Variants in FRAS1 observed in about 807,000 individuals in gnomAD.
FRAS1 encodes Fraser extracellular matrix complex subunit 1.
Under a neutral mutation model 435.2 loss-of-function variants are expected in FRAS1, and 290 were observed. The observed-to-expected ratio is 0.67, with a 90% CI of 0.61 to 0.73. FRAS1 has a LOEUF of 0.73. FRAS1 is among the 30% of genes least tolerant of loss of function. The pLI is 0.00. For missense variants in FRAS1, 4,860 were observed against 5,001.5 expected (o/e 0.97, Z 0.85); for synonymous variants, 1,800 against 1,851.0 (o/e 0.97, Z 0.71).
chr4:78,145,000 A>G (rs1720358592), intron 2 of FRAS1, among the ~76,000 whole-genome samples: 1 of 152,188 alleles, frequency 6.6e-6, no homozygotes, highest in South Asian at 2.1e-4. Flanking sequence ...AAATTGCTGG[A>G]AGGAAACAAT....
chr4:78,486,830 AT>A (rs67268640), intron 58 of FRAS1, among the ~76,000 whole-genome samples: 4,896 of 123,452 alleles, frequency 0.04, 93 homozygotes, highest in African/African-American at 0.067. Flanking sequence ...CTCTCTCTCT[AT>A]TTTTTTTTTT....
At chr4:78,213,049 T>A (rs1320087) in intron 2 of FRAS1, among the ~76,000 whole-genome samples, 4 of 152,004 alleles carry the variant, frequency 2.6e-5, no homozygotes, top group African/African-American at 9.7e-5. Context: ...GGATGCAGGC[T>A]GATCCAGGGA....
chr4:78,480,544 T>C (rs1482384145), intron 56 of FRAS1, among the ~76,000 whole-genome samples: 1 of 152,100 alleles, frequency 6.6e-6, no homozygotes, highest in Non-Finnish European at 1.5e-5. Flanking sequence ...TGTGATATAT[T>C]GAGGATGGAA....
chr4:78,521,636 A>T lies in FRAS1; in HGVS notation c.10648+6A>T. ...GACCCATGCCAAATTCAGAGGTAAT[A>T]TCAATGCCGTTTTTTTTTTCCAACT... is the stretch of plus-strand genomic sequence containing the variant. On this transcript the variant is annotated splice_donor_region_variant and intron_variant, in intron 68 of 73. Coordinates refer to ENST00000512123, the MANE Select transcript of FRAS1 (RefSeq NM_025074.7). 6.4e-7 allele frequency: 1 copy of T among 1,555,910 alleles called. No individual in the cohort carries two copies. The highest frequency in any genetic ancestry group is 8.7e-7 in the Non-Finnish European group (1 of 1,146,512).
chr4:78,478,845 G>A (rs527291706), intron 55 of FRAS1, among the ~76,000 whole-genome samples: 1 of 152,310 alleles, frequency 6.6e-6, no homozygotes, highest in Admixed American at 6.5e-5. Context: ...ACCAAGCCAG[G>A]CCCAGAACAG....
intron 2 of FRAS1, among the ~76,000 whole-genome samples, chr4:78,130,232 T>G (rs1179507746): frequency 6.6e-6 from 1 of 152,198 alleles, no homozygotes; most frequent in Admixed American, 6.5e-5. Flanking sequence ...TAACGGTGAT[T>G]TTTTAAAAAT....
At chr4:78,242,619 A>G (rs1345698235) in intron 3 of FRAS1, among the ~76,000 whole-genome samples, 1 of 152,056 alleles carries the variant, frequency 6.6e-6, no homozygotes, top group African/African-American at 2.4e-5. Context: ...ATTTTTTAGG[A>G]GAGACGGGGT....
chr4:78,129,465 A>C (rs1412122671), intron 2 of FRAS1, among the ~76,000 whole-genome samples: 1 of 152,192 alleles, frequency 6.6e-6, no homozygotes, highest in Non-Finnish European at 1.5e-5. Flanking sequence ...GCAATACAGA[A>C]ACTATTTGAG....
intron 2 of FRAS1, among the ~76,000 whole-genome samples, chr4:78,094,543 TTAA>T (rs1221431116): frequency 6.6e-6 from 1 of 152,162 alleles, no homozygotes. Flanking sequence ...TAATAGAATC[TTAA>T]TAATATAGAG....
intron 4 of FRAS1, among the ~76,000 whole-genome samples, chr4:78,250,935 C>G (rs987318526): frequency 6.6e-6 from 1 of 152,048 alleles, no homozygotes; most frequent in Non-Finnish European, 1.5e-5. Context: ...CTTTTTCTTA[C>G]TTCTTATAAA....
At chr4:78,337,838 C>G (rs1309456583) in intron 20 of FRAS1, 21 bp downstream of exon 20, 13 of 1,613,622 alleles carry the variant, frequency 8.1e-6, no homozygotes, top group Non-Finnish European at 1.1e-5. Flanking sequence ...CTCCTGTGGA[C>G]TCCTCGGAAA....
intron 2 of FRAS1, among the ~76,000 whole-genome samples, chr4:78,117,374 G>A (rs577015042): frequency 6.6e-6 from 1 of 152,212 alleles, no homozygotes; most frequent in East Asian, 1.9e-4. Flanking sequence ...TTTGAATGTT[G>A]GCCTGCCTTG....
chr4:78,317,273 G>A (rs1043080405), intron 16 of FRAS1, 95 bp from the exon 17 acceptor site: 12 of 1,399,718 alleles, frequency 8.6e-6, no homozygotes, highest in Non-Finnish European at 1.1e-5. Context: ...CATCCACAGG[G>A]GACTAAGAGT....
At position 78,475,541 on chromosome 4, in the gene FRAS1, G is replaced by T. The variant is rs750440079; in HGVS notation, c.7786G>T (p.Ala2596Ser). The T allele has an allele frequency of 6.2e-7, 1 of 1,613,614 alleles. No homozygotes were observed. Among genetic ancestry groups the T allele is most frequent in the Non-Finnish European group, 8.5e-7 (1 of 1,179,668 alleles). The part of the protein sequence containing the change: ...IVLCRTEQGT[A>S]SSSSRVSSQP... ...CCTGTGTCGCACCGAGCAAGGCACC[G>T]CCAGCTCCAGCTCCAGGGTCAGCTC... Residue 2596 changes from alanine (A) to serine (S), a missense_variant, in exon 54 of 74, where the codon GCC becomes TCC. By Grantham distance (99) the Ala-to-Ser change is moderately conservative (BLOSUM62 1). Coordinates refer to ENST00000512123, the MANE Select transcript of FRAS1 (RefSeq NM_025074.7).
rs1308681811 is a variant in FRAS1, at chr4:78,482,484, C to G, written c.8701C>G (p.Leu2901Val). 1.9e-6 allele frequency: 3 copies of G among 1,613,852 alleles called. No homozygotes were observed. In the African/African-American group the frequency reaches 4.0e-5, roughly 22 times the overall value. ...VFLSSAQGAE[L>V]TKPFQAVIAI... Reference sequence around the variant, plus strand: ...CCTCAGCTCAGCACAAGGAGCCGAACTGACCAAACCCTTCCAGGCAGTCAT... The same window carrying G: ...CCTCAGCTCAGCACAAGGAGCCGAAGTGACCAAACCCTTCCAGGCAGTCAT... Residue 2901 changes from leucine (L) to valine (V), a missense_variant, in exon 58 of 74, where the codon CTG becomes GTG. Physicochemically the swap from Leu to Val is conservative, Grantham distance 32 (BLOSUM62 1). Coordinates refer to ENST00000512123, the MANE Select transcript of FRAS1 (RefSeq NM_025074.7).
Position 78,432,361 on chromosome 4 carries a change from C to T in FRAS1, c.4974C>T (p.Asp1658=). 2 of 1,593,912 alleles carry T rather than the reference C, an allele frequency of 1.3e-6. No individual in the cohort carries two copies. Among genetic ancestry groups the T allele is most frequent in the Non-Finnish European group, 1.7e-6 (2 of 1,168,184 alleles). Reference sequence around the variant, plus strand: ...AATTTGTTTTATTCTTGGAAGGTGACACTTTCACCTATGAGGATGTTGAGA... The same window carrying T: ...AATTTGTTTTATTCTTGGAAGGTGATACTTTCACCTATGAGGATGTTGAGA... ...AEFRRPMATG[D]TFTYEDVEKN... is the part of the protein sequence containing the mutation. The change falls in exon 38 of 74, where the codon GAC becomes GAT. Residue 1658 remains aspartate, a synonymous_variant. Transcript: ENST00000512123.
chr4:78,393,070 G>T (rs766133463), intron 29 of FRAS1, among the ~76,000 whole-genome samples: 1 of 149,154 alleles, frequency 6.7e-6, no homozygotes, highest in Non-Finnish European at 1.5e-5. Flanking sequence ...GTAAAAAGCC[G>T]TACATATTTA....
At chr4:78,420,448 C>T (rs1733725771) in intron 33 of FRAS1, among the ~76,000 whole-genome samples, 1 of 152,164 alleles carries the variant, frequency 6.6e-6, no homozygotes. Context: ...CATGTGCCCT[C>T]CTTTTAAGGA....
chr4:78,407,372 T>C (rs1374996704), intron 30 of FRAS1, among the ~76,000 whole-genome samples: 2 of 152,238 alleles, frequency 1.3e-5, no homozygotes, highest in Non-Finnish European at 2.9e-5. Context: ...TGCTACTATC[T>C]GGCTCTCCTT....
Sources: gnomAD v4.1 joint callset for allele counts (sites outside exome capture counted in the v4.1 genomes callset) on GRCh38, gnomAD v4.1.1 for gene constraint, MANE v1.5 for transcripts, NCBI Gene and HGNC (gene_info 2026-07-23, HGNC 2026-07-21) for gene names.